The following RNFT1 variants were observed in gnomAD, a reference collection of about 807,000 sequenced individuals.
RNFT1 encodes E3 ubiquitin-protein ligase RNFT1.
A neutral mutation model predicts 53.2 loss-of-function variants in RNFT1; 35 were observed. The observed-to-expected ratio is 0.66, with a 90% CI of 0.50 to 0.87. RNFT1 has a LOEUF of 0.87. RNFT1 is among the 40% of genes least tolerant of loss of function. The pLI, the probability that RNFT1 is intolerant of heterozygous loss-of-function variation, is 0.00. For synonymous variants in RNFT1, 141 were observed against 172.8 expected (o/e 0.82, Z 1.44); for missense variants, 421 against 515.0 (o/e 0.82, Z 1.77).
chr17:59,963,802 G>A (rs2045313908), intron 1 of RNFT1, among the ~76,000 whole-genome samples: 2 of 151,948 alleles, frequency 1.3e-5, no homozygotes, highest in Non-Finnish European at 2.9e-5. Context: ...CTGCACTTAG[G>A]TGACCTACAA....
Position 59,962,877 on chromosome 17 carries a change from A to C in RNFT1, c.464T>G (p.Leu155Arg). 1 of 1,613,980 alleles carries C rather than the reference A, an allele frequency of 6.2e-7. No homozygotes were observed. ...GACGCTCAGAATCAAAATATATGGA[A>C]GACTTTTTTGCAGCCACTTGAAGAG... ...RYLFKWLQKSLPYILILSVKL... is the reference protein window; with the variant it reads ...RYLFKWLQKSRPYILILSVKL... The change falls in exon 2 of 9, where the codon CTT becomes CGT. Residue 155 changes from leucine (L) to arginine (R), a missense_variant. Coordinates refer to ENST00000305783, the MANE Select transcript of RNFT1 (RefSeq NM_016125.4).
At chr17:59,955,087 G>A (rs180511) in intron 7 of RNFT1, among the ~76,000 whole-genome samples, 21,608 of 152,124 alleles carry the variant, frequency 0.14, 1,693 homozygotes, top group Middle Eastern at 0.19. Flanking sequence ...AGTCAGTCAC[G>A]GTCATGAGGG....
chr17:59,957,298 T>C lies in RNFT1; in HGVS notation c.931A>G (p.Ser311Gly), dbSNP rs1195506832. The change falls in exon 6 of 9, where the codon AGC becomes GGC. Residue 311 changes from serine to glycine, a missense_variant. By Grantham distance (56) the Ser-to-Gly change is moderately conservative. Coordinates refer to ENST00000305783, the MANE Select transcript of RNFT1 (RefSeq NM_016125.4). ...PIPVWFRYLI[S>G]YGEFGNVTRW... is the part of the protein sequence containing the mutation. ...GTTACGTTACCAAACTCCCCATAGC[T>C]TATAAGGTAGCGAAACCAAACTGGT... The C allele has an allele frequency of 6.2e-7, 1 of 1,613,994 alleles. No homozygotes were observed. Among genetic ancestry groups the C allele is most frequent in the Admixed American group, 1.7e-5 (1 of 60,010 alleles).
At position 59,963,010 on chromosome 17, in the gene RNFT1, C is replaced by A; in HGVS notation, c.331G>T (p.Val111Leu). ...SGVHSCAHGC[V>L]HSRLRGHSHS... The stretch of plus-strand genomic sequence containing the variant: ...GAGTGACCCCGTAAGCGACTGTGTA[C>A]ACATCCATGGGCACAGCTATGGACA... Residue 111 changes from valine to leucine, a missense_variant, in exon 2 of 9, where the codon GTA (valine) becomes TTA (leucine). Val to Leu is a conservative substitution (Grantham distance 32). Coordinates refer to ENST00000305783, the MANE Select transcript of RNFT1 (RefSeq NM_016125.4). 6.2e-7 allele frequency: 1 copy of A among 1,614,230 alleles called. No homozygotes were observed.
chr17:59,964,688 G>C lies in RNFT1; in HGVS notation c.-25C>G. The C allele has an allele frequency of 6.3e-7, 1 of 1,589,580 alleles. No homozygotes were observed. Among genetic ancestry groups the C allele is most frequent in the Non-Finnish European group, 8.6e-7 (1 of 1,168,154 alleles). ...TACACCGCCTCCAGCCCTTCAGTCGGGGCCATCAACCGCAAACCCCGCAAG... is the reference window on the plus strand; with the variant it reads ...TACACCGCCTCCAGCCCTTCAGTCGCGGCCATCAACCGCAAACCCCGCAAG... On this transcript the variant is annotated 5_prime_UTR_variant, in exon 1 of 9. Transcript: ENST00000305783.
chr17:59,957,345 T>G lies in RNFT1; in HGVS notation c.884A>C (p.Tyr295Ser). The change falls in exon 6 of 9, where the codon TAC becomes TCC. Residue 295 changes from tyrosine to serine, a missense_variant. Transcript: ENST00000305783. Reference protein sequence around the residue: ...WYMLLEELCQYYRTFVPIPVW... With the variant: ...WYMLLEELCQSYRTFVPIPVW... ...TGGTATGGGAACAAAAGTTCGGTAG[T>G]ATTGACACAATTCTTCTAAAAGCAT... 6.2e-7 allele frequency: 1 copy of G among 1,613,796 alleles called. No individual in the cohort carries two copies. The highest frequency in any genetic ancestry group is 1.1e-5 in the South Asian group (1 of 90,998).
chr17:59,962,435 T>TA, intron 3 of RNFT1, 105 bp downstream of exon 3: 1 of 728,254 alleles, frequency 1.4e-6, no homozygotes, highest in Non-Finnish European at 2.3e-6. Flanking sequence ...TATATCCTAT[T>TA]ACTTCCTATT....
rs764078416 is a variant in RNFT1 at position 59,956,508 on chromosome 17, G to C, written c.1051C>G (p.Arg351Gly). ...CTTACTGGTTGTGTAAAAAATATTC[G>C]TAAAACCTGTCTGAAAGTTCTCAGA... is the stretch of plus-strand genomic sequence containing the variant. ...GHLRTFRQVLRIFFTQPSYGV... is the reference protein window; with the variant it reads ...GHLRTFRQVLGIFFTQPSYGV... The change falls in exon 7 of 9, where the codon CGA becomes GGA. Residue 351 changes from arginine to glycine, a missense_variant. By Grantham distance (125) the Arg-to-Gly change is moderately radical (BLOSUM62 -2). Transcript: ENST00000305783. The C allele has an allele frequency of 6.2e-7, 1 of 1,611,834 alleles. No homozygotes were observed. Among genetic ancestry groups the C allele is most frequent in the African/African-American group, 1.3e-5 (1 of 74,846 alleles).
intron 3 of RNFT1, among the ~76,000 whole-genome samples, chr17:59,960,917 TAATA>T (rs150771523): frequency 0.19 from 28,820 of 152,074 alleles, 2,910 homozygotes; most frequent in East Asian, 0.39. Flanking sequence ...TATAAGAATT[TAATA>T]AATTAATGTT....
chr17:59,956,937 A>G lies in RNFT1; in HGVS notation c.1005+287T>C, dbSNP rs557277544. 1.3e-4 allele frequency among the ~76,000 whole-genome samples: 20 copies of G among 152,336 alleles called. No homozygotes were observed. In the South Asian group the frequency reaches 4.1e-3, roughly 32 times the overall value. On this transcript the variant is annotated intron_variant, in intron 6 of 8. Coordinates refer to ENST00000305783, the MANE Select transcript of RNFT1 (RefSeq NM_016125.4). Reference sequence around the variant, plus strand: ...CTAGTTTAAGAATTATGTGTATGACAATGTTACTGTTGAGGATGGGTATGT... The same window carrying G: ...CTAGTTTAAGAATTATGTGTATGACGATGTTACTGTTGAGGATGGGTATGT...
At position 59,952,988 on chromosome 17, in the gene RNFT1, G is replaced by T. The variant is rs1249841846; in HGVS notation, c.1297C>A (p.Gln433Lys). 6.2e-7 allele frequency: 1 copy of T among 1,612,812 alleles called. No individual in the cohort carries two copies. Among genetic ancestry groups the T allele is most frequent in the South Asian group, 1.1e-5 (1 of 91,032 alleles). ...WKDGATSSHL[Q>K]IY ...ATAGTTTATACAACTTAATATATTT[G>T]AAGGTGTGATGAAGTGGCTCCATCC... The change falls in exon 9 of 9, where the codon CAA becomes AAA. Residue 433 changes from glutamine to lysine, a missense_variant. By Grantham distance (53) the Gln-to-Lys change is moderately conservative. Coordinates refer to ENST00000305783, the MANE Select transcript of RNFT1 (RefSeq NM_016125.4).
Position 59,956,566 on chromosome 17 carries a change from A to T in RNFT1, c.1006-13T>A, listed in dbSNP as rs764188730. ...AAAATTCCAAAAGCTGAAAAGAGAA[A>T]TAAGAGATCATTTATTAATTCAAAC... On this transcript the variant is annotated splice_polypyrimidine_tract_variant and intron_variant, in intron 6 of 8. Coordinates refer to ENST00000305783, the MANE Select transcript of RNFT1 (RefSeq NM_016125.4). 5 of 1,605,038 alleles carry T rather than the reference A, an allele frequency of 3.1e-6. No homozygotes were observed. The highest frequency in any genetic ancestry group is 3.4e-6 in the Non-Finnish European group (4 of 1,173,036).
chr17:59,963,277 T>C lies in RNFT1; in HGVS notation c.64A>G (p.Arg22Gly). The C allele has an allele frequency of 6.2e-7, 1 of 1,601,084 alleles. No individual in the cohort carries two copies. Residue 22 changes from arginine (R) to glycine (G), a missense_variant, in exon 2 of 9, where the codon AGG (arginine) becomes GGG (glycine). By Grantham distance (125) the Arg-to-Gly change is moderately radical. Coordinates refer to ENST00000305783, the MANE Select transcript of RNFT1 (RefSeq NM_016125.4). The part of the protein sequence containing the change: ...PSASGHERRQ[R>G]PEAKTSGSEK... ...GACCCAGATGTCTTTGCTTCAGGCC[T>C]CTGTCTCCTAAAAAATCAAATAAAA...
intron 1 of RNFT1, among the ~76,000 whole-genome samples, chr17:59,964,393 C>T (rs1311824446): frequency 2.0e-5 from 3 of 152,126 alleles, no homozygotes; most frequent in Non-Finnish European, 4.4e-5. Context: ...CTTTCAGTGT[C>T]TTTTCTATAA....
At chr17:59,953,774 A>G (rs1434534251) in intron 8 of RNFT1, among the ~76,000 whole-genome samples, 3 of 152,224 alleles carry the variant, frequency 2.0e-5, no homozygotes, top group Non-Finnish European at 1.5e-5. Context: ...CTACATGGCT[A>G]GTATCCAATT....
chr17:59,953,947 G>A, intron 8 of RNFT1, 98 bp downstream of exon 8: 1 of 701,214 alleles, frequency 1.4e-6, no homozygotes, highest in Non-Finnish European at 2.3e-6. Flanking sequence ...CTAAACACTA[G>A]ATTTTTTTTT....
In RNFT1 at chr17:59,953,991, G is replaced by C. The variant is rs367793075; in HGVS notation, c.1173+54C>G. The stretch of plus-strand genomic sequence containing the variant: ...TACAGCAAACATAAATTTGACTTTT[G>C]CAAGTCACAGAGAACTGTTGTATTT... On this transcript the variant is annotated intron_variant, in intron 8 of 8. Transcript: ENST00000305783. The C allele has an allele frequency of 9.3e-5, 98 of 1,051,240 alleles. 1 individual carries two copies. In the African/African-American group the frequency reaches 1.3e-3, roughly 14 times the overall value. 65.1% of individuals were successfully genotyped at this position (1,051,240 alleles called of 1,614,324 possible).
chr17:59,953,394 T>G (rs2045233991), intron 8 of RNFT1, among the ~76,000 whole-genome samples: 1 of 152,056 alleles, frequency 6.6e-6, no homozygotes, highest in South Asian at 2.1e-4. Flanking sequence ...AGAGACAGGG[T>G]TTCACCATGT....
chr17:59,959,228 C>T (rs2045271944), intron 4 of RNFT1, among the ~76,000 whole-genome samples: 1 of 152,106 alleles, frequency 6.6e-6, no homozygotes, highest in African/African-American at 2.4e-5. Flanking sequence ...GAAATGACAC[C>T]ACCATCCAGC....
Sources: gnomAD v4.1 joint callset for allele counts (sites outside exome capture counted in the v4.1 genomes callset) on GRCh38, gnomAD v4.1.1 for gene constraint, MANE v1.5 for transcripts, NCBI Gene and HGNC (gene_info 2026-07-23, HGNC 2026-07-21) for gene names.